The following ACSL5 variants were observed in gnomAD, a reference collection of about 807,000 sequenced individuals.
ACSL5 encodes acyl-CoA synthetase long chain family member 5.
A neutral mutation model predicts 84.9 loss-of-function variants in ACSL5; 50 were observed. The ratio of observed to expected loss-of-function variants is 0.59; its 90% CI spans 0.47 to 0.75. The LOEUF is 0.75. Ranked by LOEUF, ACSL5 falls within the 30% of genes least tolerant of loss-of-function variation. The pLI, the probability that ACSL5 is intolerant of heterozygous loss-of-function variation, is 0.00. For missense variants in ACSL5, 775 were observed against 830.4 expected (o/e 0.93, Z 0.82); for synonymous variants, 280 against 300.7 (o/e 0.93, Z 0.71).
chr10:112,407,065 C>T (rs926719055), intron 5 of ACSL5, among the ~76,000 whole-genome samples: 2 of 152,068 alleles, frequency 1.3e-5, no homozygotes, highest in African/African-American at 4.8e-5. Context: ...AGTGGAAACC[C>T]CTGGTAAACC....
chr10:112,410,106 A>T, intron 7 of ACSL5: 1 of 687,962 alleles, frequency 1.5e-6, no homozygotes, highest in Non-Finnish European at 1.8e-6. Context: ...CTTAATTCAT[A>T]TATGTAGATT....
intron 3 of ACSL5, among the ~76,000 whole-genome samples, chr10:112,401,845 TTCCTTC>T (rs1843914994): frequency 2.1e-5 from 2 of 96,570 alleles, no homozygotes; most frequent in Non-Finnish European, 4.9e-5. Flanking sequence ...TCTTTCTTCC[TTCCTTC>T]CTTCCTTTCT....
At chr10:112,405,739 C>G (rs1390009944) in intron 5 of ACSL5, among the ~76,000 whole-genome samples, 1 of 152,028 alleles carries the variant, frequency 6.6e-6, no homozygotes, top group Non-Finnish European at 1.5e-5. Flanking sequence ...CTACTAATAG[C>G]CTTCCTTTAT....
chr10:112,394,852 A>C, intron 1 of ACSL5, 66 bp from the exon 2 acceptor site: 48 of 1,575,140 alleles, frequency 3.0e-5, no homozygotes, highest in Non-Finnish European at 4.1e-5. Flanking sequence ...CTGAAAACAT[A>C]GAGCTATTGA....
intron 18 of ACSL5, 62 bp downstream of exon 18, chr10:112,425,543 C>G: frequency 7.6e-7 from 1 of 1,310,220 alleles, no homozygotes; most frequent in Non-Finnish European, 1.0e-6. Context: ...CTTGTAGCTA[C>G]AGGAAATTTG....
In ACSL5 at chr10:112,398,847, TG is replaced by T. The variant is rs1004900341; in HGVS notation, c.157-52del. On this transcript the variant is annotated intron_variant, in intron 2 of 20. Transcript: ENST00000354655. ...TCTTTAATTCAATTCATAAAGGTTTTGGAAAGAGTGAGGGGAGACTTGAACT... is the reference window on the plus strand; with the variant it reads ...TCTTTAATTCAATTCATAAAGGTTTTGAAAGAGTGAGGGGAGACTTGAACT... The T allele has an allele frequency of 1.3e-4, 196 of 1,465,686 alleles. No homozygotes were observed. The African/African-American group carries it at 2.5e-3, about 19-fold the overall frequency. 90.8% of individuals were successfully genotyped at this position (1,465,686 alleles called of 1,614,324 possible).
intron 20 of ACSL5, 116 bp from the exon 21 acceptor site, chr10:112,427,100 ACT>A (rs1426582695): frequency 6.5e-6 from 7 of 1,071,504 alleles, no homozygotes; most frequent in African/African-American, 1.6e-5. Flanking sequence ...GGCATGTGTT[ACT>A]GTTACCTTTA....
chr10:112,427,428 T>C lies in ACSL5; in HGVS notation c.*70T>C. 7.0e-7 allele frequency: 1 copy of C among 1,426,288 alleles called. No homozygotes were observed. Among genetic ancestry groups the C allele is most frequent in the Admixed American group, 2.6e-5 (1 of 38,804 alleles). The allele number at this position is 1,426,288 out of a possible 1,614,324, so 88.4% of individuals were successfully genotyped here. A position where few individuals can be genotyped will look rare whatever the true frequency, so the allele number is the denominator to read the frequency against. On this transcript the variant is annotated 3_prime_UTR_variant, in exon 21 of 21. Coordinates refer to ENST00000354655, the MANE Select transcript of ACSL5 (RefSeq NM_203379.2). The stretch of plus-strand genomic sequence containing the variant: ...GAGAAAATGGATTAAAAACTATTCT[T>C]ACATTTGTTTTGCCTTTCCTCCTAT...
intron 12 of ACSL5, among the ~76,000 whole-genome samples, chr10:112,416,163 T>C (rs1390747157): frequency 1.3e-5 from 2 of 152,192 alleles, no homozygotes; most frequent in East Asian, 3.9e-4. Context: ...GAAGACATGA[T>C]ACTTGTTTTA....
chr10:112,376,125 G>C (rs1327818548), intron 1 of ACSL5: 1 of 787,496 alleles, frequency 1.3e-6, no homozygotes, highest in Non-Finnish European at 1.9e-6. Flanking sequence ...CTTTGACACG[G>C]AGCCAGGGTA....
At chr10:112,408,099 T>A (rs1245234556) in intron 5 of ACSL5, among the ~76,000 whole-genome samples, 2 of 151,894 alleles carry the variant, frequency 1.3e-5, no homozygotes, top group Non-Finnish European at 2.9e-5. Context: ...AGGAGTTTTA[T>A]GCCAGAATGG....
intron 17 of ACSL5, among the ~76,000 whole-genome samples, chr10:112,422,864 AAAAG>A (rs1844508335): frequency 6.7e-6 from 1 of 148,262 alleles, no homozygotes; most frequent in South Asian, 2.1e-4. Flanking sequence ...AAAAAAAAAA[AAAAG>A]AACATACAAT....
intron 1 of ACSL5, among the ~76,000 whole-genome samples, chr10:112,382,034 C>T (rs1208486990): frequency 6.6e-6 from 1 of 152,238 alleles, no homozygotes; most frequent in Admixed American, 6.5e-5. Flanking sequence ...GTCTCAAAAG[C>T]ATCATGGCTG....
intron 14 of ACSL5, 38 bp downstream of exon 14, chr10:112,417,979 C>A: frequency 6.8e-7 from 1 of 1,480,902 alleles, no homozygotes; most frequent in Non-Finnish European, 9.2e-7. Flanking sequence ...GGCTATTTTA[C>A]TTTTGCACAA....
At chr10:112,400,650 A>G (rs1324054973) in intron 3 of ACSL5, among the ~76,000 whole-genome samples, 1 of 151,596 alleles carries the variant, frequency 6.6e-6, no homozygotes, top group Non-Finnish European at 1.5e-5. Flanking sequence ...CTGGTGATCC[A>G]CCCACCTTGA....
At chr10:112,378,037 A>T (rs959438782) in intron 1 of ACSL5, among the ~76,000 whole-genome samples, 11 of 152,108 alleles carry the variant, frequency 7.2e-5, no homozygotes, top group Admixed American at 2.0e-4. Context: ...GAGGGCAAAG[A>T]CACCAACAAC....
At chr10:112,388,842 A>G (rs2133579551) in intron 1 of ACSL5, among the ~76,000 whole-genome samples, 1 of 152,330 alleles carries the variant, frequency 6.6e-6, no homozygotes, top group Non-Finnish European at 1.5e-5. Flanking sequence ...GGCCTGACCT[A>G]TCAGCAATAC....
chr10:112,396,771 G>T (rs948780495), intron 2 of ACSL5, among the ~76,000 whole-genome samples: 2 of 151,908 alleles, frequency 1.3e-5, no homozygotes, highest in Admixed American at 6.6e-5. Flanking sequence ...AAAGTTAATA[G>T]TCTGAAACAT....
chr10:112,427,638 C>A lies in ACSL5; in HGVS notation c.*280C>A, dbSNP rs2133702897. ...CAAGATCCCAGTTTATGTTCTGTGT[C>A]CTTCCTCATGATTTCCAACCTTAAT... is the stretch of plus-strand genomic sequence containing the variant. On this transcript the variant is annotated 3_prime_UTR_variant, in exon 21 of 21. Transcript: ENST00000354655. The A allele has an allele frequency of 4.2e-6, 1 of 235,544 alleles. No individual in the cohort carries two copies. Among genetic ancestry groups the A allele is most frequent in the Middle Eastern group, 1.4e-3 (1 of 734 alleles). 14.6% of individuals were successfully genotyped at this position (235,544 alleles called of 1,614,324 possible). A position where few individuals can be genotyped will look rare whatever the true frequency, so the allele number is the denominator to read the frequency against.
Sources: allele counts gnomAD v4.1 joint callset (sites outside exome capture counted in the v4.1 genomes callset), GRCh38; gene constraint gnomAD v4.1.1; transcripts MANE v1.5; gene names NCBI Gene and HGNC (gene_info 2026-07-23, HGNC 2026-07-21).